The following LRRC56 variants were observed in gnomAD, a reference collection of about 807,000 sequenced individuals.
LRRC56 encodes the protein leucine-rich repeat-containing protein 56.
Under a neutral mutation model 47.8 loss-of-function variants are expected in LRRC56, and 41 were observed. The ratio of observed to expected loss-of-function variants is 0.86; its 90% confidence interval spans 0.67 to 1.11. The LOEUF (loss-of-function observed/expected upper bound fraction) is 1.11. Ranked by LOEUF, LRRC56 falls within the 50% of genes most tolerant of loss-of-function variation. The pLI is 0.00. For missense variants in LRRC56, 759 were observed against 704.2 expected (o/e 1.08, Z -0.88); for synonymous variants, 387 against 311.2 (o/e 1.24, Z -2.56).
the LRRC56 span, among the ~76,000 whole-genome samples, chr11:516,265 C>T: frequency 7.2e-5 from 11 of 152,094 alleles, no homozygotes; most frequent in African/African-American, 1.4e-4. Context: ...TGGTGGTACA[C>T]GCCTGTAATC....
upstream of LRRC56, chr11:534,017 T>C: frequency 2.6e-6 from 4 of 1,511,868 alleles, no homozygotes; most frequent in Non-Finnish European, 3.6e-6. Flanking sequence ...AGCCTCTCCC[T>C]GGTACCTCTC....
chr11:534,058 T>G, upstream of LRRC56: 1 of 1,291,804 alleles, frequency 7.7e-7, no homozygotes. Flanking sequence ...TCTCCTGGGG[T>G]GCTGAGACGA....
In LRRC56 at chr11:550,172, TG is replaced by T. The variant is rs1852309932; in HGVS notation, c.528del (p.Gln177ArgfsTer43). 1.2e-6 allele frequency: 2 copies of T among 1,613,228 alleles called. No individual in the cohort carries two copies. Among genetic ancestry groups the T allele is most frequent in the South Asian group, 2.2e-5 (2 of 91,072 alleles). ...CTGGAGGGCAACAGCGTGGAGGACC[TG>T]GGGCAGGTGCGCTACTTGCAGCTGT... ...LDLEGNSVED[L>X]GQVRYLQLCP... On this transcript the variant is annotated frameshift_variant, in exon 8 of 14. Transcript: ENST00000270115. LOFTEE classifies it high-confidence loss of function.
At chr11:546,340 A>G (rs1017385712) in intron 6 of LRRC56, among the ~76,000 whole-genome samples, 12 of 152,116 alleles carry the variant, frequency 7.9e-5, no homozygotes, top group Non-Finnish European at 1.3e-4. Flanking sequence ...AGGCCAAGGT[A>G]GGCAGATCAC....
At chr11:522,389 C>T in the LRRC56 span, among the ~76,000 whole-genome samples, 1 of 152,134 alleles carries the variant, frequency 6.6e-6, no homozygotes, top group Non-Finnish European at 1.5e-5. Flanking sequence ...CCTCAGCCTC[C>T]CAAGTAGTTG....
Position 554,066 on chromosome 11 carries a change from G to A in LRRC56, c.1419G>A (p.Gln473=). Residue 473 remains glutamine (Q), a synonymous_variant, in exon 14 of 14, where the codon CAG becomes CAA. Transcript: ENST00000270115. ...SSSPRWSTDL[Q]SRGRRLRVLG... ...CCCCGCGGTGGTCGACAGACCTGCA[G>A]TCCAGGGGGCGTCGGCTCCGAGTCC... 6 of 1,610,640 alleles carry A rather than the reference G, an allele frequency of 3.7e-6. No homozygotes were observed. Among genetic ancestry groups the A allele is most frequent in the East Asian group, 2.2e-5 (1 of 44,838 alleles).
At chr11:516,236 T>G in the LRRC56 span, among the ~76,000 whole-genome samples, 1 of 151,848 alleles carries the variant, frequency 6.6e-6, no homozygotes, top group Non-Finnish European at 1.5e-5. Flanking sequence ...CTACCAAAAA[T>G]ACAAAAACTA....
the LRRC56 span, among the ~76,000 whole-genome samples, chr11:511,697 T>C: frequency 6.6e-6 from 1 of 152,206 alleles, no homozygotes. Flanking sequence ...TCCGTGCTGA[T>C]GTGGGGGCCT....
At chr11:543,827 C>T (rs1372743050) in intron 5 of LRRC56, among the ~76,000 whole-genome samples, 2 of 152,146 alleles carry the variant, frequency 1.3e-5, no homozygotes, top group Admixed American at 1.3e-4. Context: ...CGGCTCACTG[C>T]AAGCTCCACC....
chr11:509,039 C>T, the LRRC56 span, among the ~76,000 whole-genome samples: 2 of 152,208 alleles, frequency 1.3e-5, no homozygotes, highest in African/African-American at 2.4e-5. Flanking sequence ...GAGCGAAACT[C>T]CATCTCAAAA....
upstream of LRRC56, chr11:534,123 G>A (rs1057410548): frequency 6.5e-6 from 8 of 1,226,410 alleles, no homozygotes; most frequent in Admixed American, 3.5e-5. Flanking sequence ...CCATGCAGGG[G>A]ACCAGGGGCT....
At chr11:549,865 T>A (rs747905433) in intron 6 of LRRC56, 37 bp from the exon 7 acceptor site, 1 of 1,579,240 alleles carries the variant, frequency 6.3e-7, no homozygotes, top group African/African-American at 1.3e-5. Context: ...AGCACAGGGC[T>A]GGGCACATGT....
Position 554,577 on chromosome 11 carries a change from G to A in LRRC56, c.*301G>A. On this transcript the variant is annotated 3_prime_UTR_variant, in exon 14 of 14. Coordinates refer to ENST00000270115, the MANE Select transcript of LRRC56 (RefSeq NM_198075.4). Reference sequence around the variant, plus strand: ...GGGGTGGGGGGTGGTCACCCGAGCAGGCCTGTGAGAGGCCTCTCCTGCTAG... The same window carrying A: ...GGGGTGGGGGGTGGTCACCCGAGCAAGCCTGTGAGAGGCCTCTCCTGCTAG... The A allele has an allele frequency of 2.4e-6, 1 of 421,116 alleles. No individual in the cohort carries two copies. Among genetic ancestry groups the A allele is most frequent in the Non-Finnish European group, 4.2e-6 (1 of 237,732 alleles). 26.1% of individuals were successfully genotyped at this position (421,116 alleles called of 1,614,324 possible). A position where few individuals can be genotyped will look rare whatever the true frequency, so the allele number is the denominator to read the frequency against.
At chr11:510,230 G>A in the LRRC56 span, among the ~76,000 whole-genome samples, 4 of 152,200 alleles carry the variant, frequency 2.6e-5, no homozygotes, top group Admixed American at 1.3e-4. Context: ...CCGTGGTGCT[G>A]AAGGCCTAAG....
chr11:546,161 T>A (rs1852068096), intron 6 of LRRC56, among the ~76,000 whole-genome samples: 1 of 151,944 alleles, frequency 6.6e-6, no homozygotes, highest in Admixed American at 6.6e-5. Context: ...CCCCAGCTGC[T>A]CAGGAGGCTG....
intron 8 of LRRC56, 27 bp from the exon 9 acceptor site, chr11:551,104 T>TCCCCC: frequency 1.1e-6 from 1 of 873,950 alleles, no homozygotes; most frequent in Non-Finnish European, 1.6e-6. Context: ...AGACCTGCCC[T>TCCCCC]CCCTCCCCCT....
chr11:507,264 C>G, the LRRC56 span: 1 of 150,482 alleles, frequency 6.6e-6, no homozygotes, highest in African/African-American at 2.5e-5. Flanking sequence ...TGGGCGTGGT[C>G]AGGTGCGTGG....
chr11:523,369 A>G, the LRRC56 span, among the ~76,000 whole-genome samples: 1 of 148,906 alleles, frequency 6.7e-6, no homozygotes, highest in Non-Finnish European at 1.5e-5. Flanking sequence ...GTGGTGGCTC[A>G]TGCCTGTAAT....
At chr11:512,382 C>A in the LRRC56 span, among the ~76,000 whole-genome samples, 3 of 151,890 alleles carry the variant, frequency 2.0e-5, no homozygotes, top group African/African-American at 7.3e-5. Flanking sequence ...CACAGGTGCC[C>A]GCCACCACAC....
Sources: gnomAD v4.1 joint callset for allele counts (sites outside exome capture counted in the v4.1 genomes callset) on GRCh38, gnomAD v4.1.1 for gene constraint, MANE v1.5 for transcripts, NCBI Gene and HGNC (gene_info 2026-07-23, HGNC 2026-07-21) for gene names.